The following MCUB variants were observed in gnomAD, a reference collection of about 807,000 sequenced individuals.
MCUB encodes mitochondrial calcium uniporter dominant negative subunit beta, also known as calcium uniporter regulatory subunit MCUb, mitochondrial.
MCUB carries 46 observed loss-of-function variants against 41.4 expected under a neutral mutation model. That is an observed-to-expected ratio of 1.11 (90% CI 0.88 to 1.42). The LOEUF (loss-of-function observed/expected upper bound fraction) is 1.42. Ranked by LOEUF, MCUB falls within the 40% of genes most tolerant of loss-of-function variation. MCUB has a pLI of 0.00. For synonymous variants in MCUB, 148 were observed against 148.2 expected (o/e 1.00, Z 0.01); for missense variants, 403 against 404.9 (o/e 1.00, Z 0.04).
At position 109,682,733 on chromosome 4, in the gene MCUB, C is replaced by T; in HGVS notation, c.603C>T (p.Pro201=). The T allele has an allele frequency of 1.2e-6, 2 of 1,612,812 alleles. No homozygotes were observed. The highest frequency in any genetic ancestry group is 3.3e-5 in the Admixed American group (2 of 59,868). Reference sequence around the variant, plus strand: ...ACCACCTGAAGGAACAGCTGCAGCCCCTTGAACAGGTTAGGAAGCATCACG... The same window carrying T: ...ACCACCTGAAGGAACAGCTGCAGCCTCTTGAACAGGTTAGGAAGCATCACG... ...KIDHLKEQLQ[P]LEQVKAGIEA... Residue 201 remains proline, a synonymous_variant, in exon 5 of 8, where the codon CCC becomes CCT. Transcript: ENST00000394650.
chr4:109,576,258 G>T (rs978220055), intron 1 of MCUB, among the ~76,000 whole-genome samples: 1 of 152,126 alleles, frequency 6.6e-6, no homozygotes, highest in Non-Finnish European at 1.5e-5. Flanking sequence ...TGTAGTCTCC[G>T]TTAGAGACAT....
intron 4 of MCUB, chr4:109,674,030 T>G: frequency 1.5e-6 from 2 of 1,292,648 alleles, no homozygotes; most frequent in Non-Finnish European, 2.2e-6. Context: ...CTGATCCACA[T>G]GCGTGTGGTA....
chr4:109,602,452 C>A (rs1727766673), intron 1 of MCUB, among the ~76,000 whole-genome samples: 1 of 152,184 alleles, frequency 6.6e-6, no homozygotes, highest in South Asian at 2.1e-4. Flanking sequence ...TCCCTGGCAC[C>A]ATTTATTGAA....
chr4:109,631,138 C>T (rs1728466603), intron 1 of MCUB, among the ~76,000 whole-genome samples: 1 of 152,200 alleles, frequency 6.6e-6, no homozygotes, highest in South Asian at 2.1e-4. Flanking sequence ...AGAGGATAAT[C>T]TTTCAGAGGA....
rs1276990040 is a variant in MCUB at position 109,685,357 on chromosome 4, A to C, written c.923A>C (p.Asp308Ala). Residue 308 changes from aspartate (D) to alanine (A), a missense_variant, in exon 7 of 8, where the codon GAC becomes GCC. Physicochemically the swap from Asp to Ala is moderately radical, Grantham distance 126. Transcript: ENST00000394650. The stretch of plus-strand genomic sequence containing the variant: ...CAGCAATACAACAAGTTAAAAGAAG[A>C]CCTTGCTAAGGTATACTACAAATAC... ...DVQQYNKLKE[D>A]LAKAKESLKQ... 1 of 1,472,330 alleles carries C rather than the reference A, an allele frequency of 6.8e-7. No homozygotes were observed. The highest frequency in any genetic ancestry group is 9.5e-7 in the Non-Finnish European group (1 of 1,051,570). The allele number at this position is 1,472,330 out of a possible 1,614,324, so 91.2% of individuals were successfully genotyped here. A position where few individuals can be genotyped will look rare whatever the true frequency, so the allele number is the denominator to read the frequency against.
intron 1 of MCUB, among the ~76,000 whole-genome samples, chr4:109,566,500 G>A (rs1012145637): frequency 6.6e-6 from 1 of 151,406 alleles, no homozygotes; most frequent in Non-Finnish European, 1.5e-5. Context: ...ATAAATAAAG[G>A]AAAAACAGTT....
intron 1 of MCUB, among the ~76,000 whole-genome samples, chr4:109,581,590 C>A (rs1201255542): frequency 6.6e-6 from 1 of 152,158 alleles, no homozygotes; most frequent in South Asian, 2.1e-4. Flanking sequence ...TCAGAGTGAA[C>A]AGGCAACCTA....
At chr4:109,627,895 A>G (rs1429154361) in intron 1 of MCUB, among the ~76,000 whole-genome samples, 2 of 149,580 alleles carry the variant, frequency 1.3e-5, no homozygotes, top group Non-Finnish European at 3.0e-5. Flanking sequence ...TCTAGGTGAC[A>G]GAGTAAGACT....
chr4:109,584,336 C>T (rs912659848), intron 1 of MCUB, among the ~76,000 whole-genome samples: 2 of 152,076 alleles, frequency 1.3e-5, no homozygotes, highest in Admixed American at 6.6e-5. Context: ...TGATTCTTCT[C>T]TCTCTTCTTC....
chr4:109,611,584 A>C (rs941363747), intron 1 of MCUB, among the ~76,000 whole-genome samples: 2 of 152,218 alleles, frequency 1.3e-5, no homozygotes, highest in Non-Finnish European at 2.9e-5. Context: ...ACAACAAAAA[A>C]ATTGTGACTT....
At chr4:109,581,085 GA>G (rs1390780945) in intron 1 of MCUB, among the ~76,000 whole-genome samples, 2 of 152,074 alleles carry the variant, frequency 1.3e-5, no homozygotes, top group Non-Finnish European at 2.9e-5. Context: ...AATCCTAAGC[GA>G]AAAGAACAAA....
intron 4 of MCUB, among the ~76,000 whole-genome samples, chr4:109,678,865 G>A (rs1463299931): frequency 1.2e-4 from 17 of 143,234 alleles, no homozygotes; most frequent in African/African-American, 3.2e-4. Context: ...CAGATGGGGC[G>A]GCCGGGCAGA....
chr4:109,584,491 C>A (rs888318414), intron 1 of MCUB, among the ~76,000 whole-genome samples: 3 of 152,066 alleles, frequency 2.0e-5, no homozygotes, highest in African/African-American at 7.2e-5. Flanking sequence ...TTGCCTTCTG[C>A]TAGCTTTTGA....
At chr4:109,638,565 G>A (rs1013260025) in intron 1 of MCUB, among the ~76,000 whole-genome samples, 1 of 152,174 alleles carries the variant, frequency 6.6e-6, no homozygotes, top group Non-Finnish European at 1.5e-5. Context: ...GGTGGTTGCT[G>A]AAGGTTGGAG....
At chr4:109,661,149 A>G (rs1729224522) in intron 3 of MCUB, among the ~76,000 whole-genome samples, 1 of 152,258 alleles carries the variant, frequency 6.6e-6, no homozygotes, top group African/African-American at 2.4e-5. Context: ...AAAAACCAGA[A>G]GTATGTCATC....
rs1204526378 is a variant in MCUB at position 109,688,138 on chromosome 4, G to GAAAC, written c.*548_*551dup. Reference sequence around the variant, plus strand: ...AGTTGGTACTTTTTGAACTTCAACTGAAACAGTGTATATAAACGATTGCTT... The same window carrying GAAAC: ...AGTTGGTACTTTTTGAACTTCAACTGAAACAAACAGTGTATATAAACGATTGCTT... On this transcript the variant is annotated 3_prime_UTR_variant, in exon 8 of 8. Coordinates refer to ENST00000394650, the MANE Select transcript of MCUB (RefSeq NM_017918.5). 1.3e-5 allele frequency: 2 copies of GAAAC among 152,308 alleles called. No homozygotes were observed. The highest frequency in any genetic ancestry group is 2.9e-5 in the Non-Finnish European group (2 of 68,160). The allele number at this position is 152,308 out of a possible 1,614,324, so 9.4% of individuals were successfully genotyped here. A position where few individuals can be genotyped will look rare whatever the true frequency, so the allele number is the denominator to read the frequency against.
intron 1 of MCUB, chr4:109,561,029 T>G (rs1435255827): frequency 2.0e-5 from 3 of 152,218 alleles, no homozygotes; most frequent in African/African-American, 4.8e-5. Context: ...TGAGTAACAG[T>G]TGGCCTGACA....
chr4:109,568,442 T>C (rs1198754424), intron 1 of MCUB, among the ~76,000 whole-genome samples: 1 of 152,150 alleles, frequency 6.6e-6, no homozygotes, highest in Admixed American at 6.5e-5. Context: ...CTAATTCCTC[T>C]TCTTCTTGTG....
At chr4:109,596,701 CTTTA>C (rs1727563111) in intron 1 of MCUB, among the ~76,000 whole-genome samples, 2 of 149,358 alleles carry the variant, frequency 1.3e-5, no homozygotes, top group South Asian at 4.4e-4. Context: ...ACACAGATGT[CTTTA>C]TTTAGGTCTT....
Sources: allele counts gnomAD v4.1 joint callset (sites outside exome capture counted in the v4.1 genomes callset), GRCh38; gene constraint gnomAD v4.1.1; transcripts MANE v1.5; gene names NCBI Gene and HGNC (gene_info 2026-07-23, HGNC 2026-07-21).